Variants in PDS5B observed in about 807,000 individuals in gnomAD.
PDS5B encodes the protein sister chromatid cohesion protein PDS5 homolog B.
PDS5B carries 51 observed loss-of-function variants against 184.1 expected under a neutral mutation model. The ratio of observed to expected loss-of-function variants is 0.28; its 90% CI spans 0.22 to 0.35. The LOEUF (loss-of-function observed/expected upper bound fraction) is 0.35, where lower values mean the gene tolerates loss of function less well. Ranked by LOEUF, PDS5B falls within the 10% of genes least tolerant of loss-of-function variation. The probability of loss-of-function intolerance (pLI) is 1.00; values close to 1 mark genes in which losing one functional copy is unlikely to be tolerated. For missense variants in PDS5B, 1,180 were observed against 1,723.3 expected, an observed-to-expected ratio of 0.68 and a Z score of 5.58; for synonymous variants, 566 against 569.2, an observed-to-expected ratio of 0.99 and a Z score of 0.08.
At chr13:32,724,007 C>T (rs1374169743) in intron 19 of PDS5B, among the ~76,000 whole-genome samples, 1 of 152,222 alleles carries the variant, frequency 6.6e-6, no homozygotes, top group Admixed American at 6.5e-5. Flanking sequence ...CCTTGCTCCT[C>T]TTATATTTGA....
intron 6 of PDS5B, among the ~76,000 whole-genome samples, chr13:32,664,705 A>G (rs527953962): frequency 3.0e-4 from 46 of 152,170 alleles, no homozygotes; most frequent in Middle Eastern, 6.8e-3. Context: ...CTCTAGAAAA[A>G]TTAGCTGGGC....
chr13:32,746,294 A>G (rs1181434316), intron 24 of PDS5B, among the ~76,000 whole-genome samples, 194 bp downstream of exon 24: 4 of 152,140 alleles, frequency 2.6e-5, no homozygotes, highest in Non-Finnish European at 4.4e-5. Context: ...AGTACAGTTG[A>G]TCTTCTTCTT....
intron 2 of PDS5B, among the ~76,000 whole-genome samples, chr13:32,650,914 C>G (rs1950352062): frequency 6.6e-6 from 1 of 152,154 alleles, no homozygotes; most frequent in African/African-American, 2.4e-5. Context: ...CACTTGTTGC[C>G]TAGTATTTGC....
At chr13:32,716,459 G>A (rs1237159547) in intron 19 of PDS5B, among the ~76,000 whole-genome samples, 4 of 151,084 alleles carry the variant, frequency 2.6e-5, no homozygotes, top group African/African-American at 4.9e-5. Flanking sequence ...GAGCCCCTCC[G>A]CCCGGCAGCC....
At chr13:32,771,114 G>A (rs114517077) in intron 33 of PDS5B, 320 of 174,554 alleles carry the variant, frequency 1.8e-3, no homozygotes, top group African/African-American at 7.3e-3. Flanking sequence ...TTTCTCATTA[G>A]CACCTTTTCC....
chr13:32,653,282 C>A (rs766755921), intron 3 of PDS5B, among the ~76,000 whole-genome samples: 2 of 151,738 alleles, frequency 1.3e-5, no homozygotes, highest in Non-Finnish European at 2.9e-5. Flanking sequence ...CAGCGAGAGT[C>A]TCAGAAAACA....
chr13:32,648,010 C>T lies in PDS5B; in HGVS notation c.-19-744C>T, dbSNP rs1026705864. Among the ~76,000 whole-genome samples, 3 of 152,206 alleles carry T rather than the reference C, an allele frequency of 2.0e-5. No individual in the cohort carries two copies. The East Asian group carries it at 5.8e-4, about 29-fold the overall frequency. Reference sequence around the variant, plus strand: ...CTGTGAGTTCATGTTTTGAGATTCTCTGGGCCACTTAGGTCATGTCAGCCC... The same window carrying T: ...CTGTGAGTTCATGTTTTGAGATTCTTTGGGCCACTTAGGTCATGTCAGCCC... On this transcript the variant is annotated intron_variant, in intron 1 of 34. Coordinates refer to ENST00000315596, the MANE Select transcript of PDS5B (RefSeq NM_015032.4).
At position 32,651,652 on chromosome 13, in the gene PDS5B, G is replaced by T. The variant is rs1950368846; in HGVS notation, c.109-152G>T. ...AATAGAAGTTTACTTTGTAGTTTTA[G>T]GAGAATTGTGTTCTCTCAAATAGAG... On this transcript the variant is annotated intron_variant, in intron 2 of 34. Coordinates refer to ENST00000315596, the MANE Select transcript of PDS5B (RefSeq NM_015032.4). The T allele has an allele frequency of 5.6e-6, 3 of 535,654 alleles. No homozygotes were observed. The East Asian group carries it at 8.6e-5, about 15-fold the overall frequency. 33.2% of individuals were successfully genotyped at this position (535,654 alleles called of 1,614,324 possible).
Position 32,764,557 on chromosome 13 carries a change from A to G in PDS5B, c.3587A>G (p.Lys1196Arg). The G allele has an allele frequency of 2.5e-6, 4 of 1,606,338 alleles. No homozygotes were observed. The South Asian group carries it at 4.5e-5, about 18-fold the overall frequency. The stretch of plus-strand genomic sequence containing the variant: ...ACAATGTCTTCACCTTTGCCGGGGA[A>G]AAAAAGTGACAAGAGAGACGACTCT... ...DYTMSSPLPG[K>R]KSDKRDDSDL... Residue 1196 changes from lysine to arginine, a missense_variant, in exon 31 of 35, where the codon AAA becomes AGA. By Grantham distance (26) the Lys-to-Arg change is conservative. Transcript: ENST00000315596.
At chr13:32,619,170 C>T (rs1401848344) in intron 1 of PDS5B, among the ~76,000 whole-genome samples, 1 of 198 alleles carries the variant, frequency 5.1e-3, no homozygotes, top group East Asian at 0.25. Context: ...TTTGAGGTAC[C>T]CTGTTGGGGG....
intron 25 of PDS5B, among the ~76,000 whole-genome samples, chr13:32,754,426 T>C (rs1954098494): frequency 1.3e-5 from 2 of 152,196 alleles, no homozygotes; most frequent in Admixed American, 1.3e-4. Context: ...ACTTGAAATT[T>C]GTGTAACAGT....
At chr13:32,670,208 T>C (rs1950899909) in intron 7 of PDS5B, among the ~76,000 whole-genome samples, 1 of 152,056 alleles carries the variant, frequency 6.6e-6, no homozygotes, top group African/African-American at 2.4e-5. Context: ...GTTATTTATG[T>C]ATTAAAATTT....
At chr13:32,676,826 G>A (rs1282136506) in intron 9 of PDS5B, among the ~76,000 whole-genome samples, 2 of 151,472 alleles carry the variant, frequency 1.3e-5, no homozygotes, top group African/African-American at 2.4e-5. Flanking sequence ...AGCTACATGG[G>A]AGGCTGAGGC....
intron 19 of PDS5B, among the ~76,000 whole-genome samples, chr13:32,725,377 C>T (rs1475281615): frequency 6.6e-6 from 1 of 152,008 alleles, no homozygotes; most frequent in Non-Finnish European, 1.5e-5. Context: ...TCAAGTTAGT[C>T]CCTGAGTCCT....
At chr13:32,670,850 G>A (rs560278946) in intron 7 of PDS5B, among the ~76,000 whole-genome samples, 12 of 152,272 alleles carry the variant, frequency 7.9e-5, no homozygotes, top group Admixed American at 7.2e-4. Context: ...ATGCTTGGGT[G>A]GTGGTGGAGA....
rs182504986 is a variant in PDS5B, at chr13:32,587,349, C to T, written c.-20+756C>T. The stretch of plus-strand genomic sequence containing the variant: ...AGAGCCCAGCACTGGCGTGGAGGGA[C>T]TCCTCCCAGGCCACAACTGGGTTCT... On this transcript the variant is annotated intron_variant, in intron 1 of 34. Transcript: ENST00000315596. Among the ~76,000 whole-genome samples, 61 of 152,288 alleles carry T rather than the reference C, an allele frequency of 4.0e-4. 1 individual carries two copies. The East Asian group carries it at 8.7e-3, about 22-fold the overall frequency.
chr13:32,663,989 A>C (rs190303505), intron 6 of PDS5B, among the ~76,000 whole-genome samples: 2 of 152,236 alleles, frequency 1.3e-5, no homozygotes, highest in Admixed American at 1.3e-4. Context: ...CCCATTCCTG[A>C]GTTACTTCAC....
Position 32,732,489 on chromosome 13 carries a change from TA to T in PDS5B, c.2247+267del, listed in dbSNP as rs1194759756. 2.0e-5 allele frequency among the ~76,000 whole-genome samples: 3 copies of T among 152,142 alleles called. No individual in the cohort carries two copies. In the East Asian group the frequency reaches 5.8e-4, roughly 29 times the overall value. ...TTTGTATTTGGAGACTATTTTTTGT[TA>T]ACAGGTAATTACATATAAAATCATA... is the stretch of plus-strand genomic sequence containing the variant. On this transcript the variant is annotated intron_variant, in intron 20 of 34. Transcript: ENST00000315596.
chr13:32,629,357 TTTGGATACCGAGTGTTGGCTACA>T (rs1283277383), intron 1 of PDS5B, among the ~76,000 whole-genome samples: 1 of 152,150 alleles, frequency 6.6e-6, no homozygotes, highest in Non-Finnish European at 1.5e-5. Flanking sequence ...TTCTTGTATA[TTTGGATACCGAGTGTTGGCTACA>T]TTGGATACCT....
Sources: allele counts gnomAD v4.1 joint callset (sites outside exome capture counted in the v4.1 genomes callset), GRCh38; gene constraint gnomAD v4.1.1; transcripts MANE v1.5; gene names NCBI Gene and HGNC (gene_info 2026-07-23, HGNC 2026-07-21).